CCDC25: variants seen among roughly 807,000 people sequenced by gnomAD.
CCDC25 encodes coiled-coil domain containing 25.
A neutral mutation model predicts 35.3 loss-of-function variants in CCDC25; 16 were observed. The ratio of observed to expected loss-of-function variants is 0.45; its 90% CI spans 0.31 to 0.69. The LOEUF (loss-of-function observed/expected upper bound fraction) is 0.69. CCDC25 is among the 30% of genes least tolerant of loss of function. The pLI is 0.06. For missense variants in CCDC25, 179 were observed against 250.7 expected, an observed-to-expected ratio of 0.71 and a Z score of 1.93; for synonymous variants, 79 against 80.3, an observed-to-expected ratio of 0.98 and a Z score of 0.09.
rs973356361 is a variant in CCDC25, at chr8:27,734,400, C to T, written c.*1816G>A. The T allele has an allele frequency of 6.6e-5, 10 of 152,182 alleles. No individual in the cohort carries two copies. The highest frequency in any genetic ancestry group is 2.4e-4 in the African/African-American group (10 of 41,460). 9.4% of individuals were successfully genotyped at this position (152,182 alleles called of 1,614,324 possible). A position where few individuals can be genotyped will look rare whatever the true frequency, so the allele number is the denominator to read the frequency against. On this transcript the variant is annotated 3_prime_UTR_variant, in exon 9 of 9. Coordinates refer to ENST00000356537, the MANE Select transcript of CCDC25 (RefSeq NM_018246.3). ...ATAAAAATAGCAACAATTTCGAATT[C>T]TCCTATCCAACGTTTAGGAAACAAT...
At chr8:27,747,824 G>A (rs1408351258) in intron 7 of CCDC25, 4 of 484,392 alleles carry the variant, frequency 8.3e-6, no homozygotes, top group Non-Finnish European at 1.5e-5. Flanking sequence ...ACCTATGAAG[G>A]TTTCTCTATG....
At chr8:27,756,885 T>C (rs1175446192) in intron 3 of CCDC25, 115 bp from the exon 4 acceptor site, 1 of 727,260 alleles carries the variant, frequency 1.4e-6, no homozygotes, top group Non-Finnish European at 2.5e-6. Flanking sequence ...CTGCCACATG[T>C]GAAGCATCAT....
chr8:27,752,437 C>A (rs1251892543), intron 5 of CCDC25, 75 bp downstream of exon 5: 2 of 1,129,920 alleles, frequency 1.8e-6, no homozygotes, highest in Non-Finnish European at 2.7e-6. Context: ...CAACAGCATG[C>A]TCACTAAAAT....
intron 1 of CCDC25, among the ~76,000 whole-genome samples, chr8:27,769,996 T>C (rs919622269): frequency 5.9e-5 from 9 of 152,126 alleles, no homozygotes; most frequent in East Asian, 1.9e-4. Context: ...ATACAAAAAT[T>C]AGCCACGCAT....
chr8:27,767,683 C>T (rs553760637), intron 1 of CCDC25, among the ~76,000 whole-genome samples: 144 of 152,244 alleles, frequency 9.5e-4, no homozygotes, highest in African/African-American at 3.2e-3. Flanking sequence ...CTAATGGGTA[C>T]GGAATAAAGC....
intron 5 of CCDC25, 134 bp downstream of exon 5, chr8:27,752,378 A>C: frequency 1.5e-6 from 1 of 661,314 alleles, no homozygotes. Context: ...TTAAAGAACA[A>C]AACATGGCAA....
rs557873979 is a variant in CCDC25 at position 27,739,701 on chromosome 8, G to A, written c.597+771C>T. On this transcript the variant is annotated intron_variant, in intron 8 of 8. Coordinates refer to ENST00000356537, the MANE Select transcript of CCDC25 (RefSeq NM_018246.3). ...AGCATCCTAGGATTTTGGTAGCTTC[G>A]GGGAGTCCTGGAACCAATCCCCCAT... is the stretch of plus-strand genomic sequence containing the variant. Among the ~76,000 whole-genome samples, 7 of 152,080 alleles carry A rather than the reference G, an allele frequency of 4.6e-5. No homozygotes were observed. In the South Asian group the frequency reaches 1.0e-3, roughly 23 times the overall value.
intron 3 of CCDC25, among the ~76,000 whole-genome samples, chr8:27,760,062 T>C (rs1230508676): frequency 1.3e-5 from 2 of 152,160 alleles, no homozygotes; most frequent in Non-Finnish European, 2.9e-5. Context: ...ACACCTCAAA[T>C]GTAGCTTCTG....
At chr8:27,766,743 C>T (rs1474355431) in intron 1 of CCDC25, among the ~76,000 whole-genome samples, 1 of 152,060 alleles carries the variant, frequency 6.6e-6, no homozygotes, top group Non-Finnish European at 1.5e-5. Context: ...AATCTTTTTA[C>T]AACCTAAACA....
chr8:27,753,836 A>G (rs1374261940), intron 4 of CCDC25, among the ~76,000 whole-genome samples: 1 of 152,234 alleles, frequency 6.6e-6, no homozygotes, highest in African/African-American at 2.4e-5. Flanking sequence ...TTCCTTCACC[A>G]TATAGTCCTC....
At chr8:27,751,105 T>G (rs1257478448) in intron 5 of CCDC25, among the ~76,000 whole-genome samples, 2 of 152,188 alleles carry the variant, frequency 1.3e-5, no homozygotes, top group African/African-American at 4.8e-5. Context: ...TTTGCTCCTC[T>G]TTGTTTTCTC....
At chr8:27,768,916 TTAGAC>T (rs78635759) in intron 1 of CCDC25, among the ~76,000 whole-genome samples, 64,694 of 151,632 alleles carry the variant, frequency 0.43, 13,993 homozygotes, top group East Asian at 0.62. Context: ...ACTGGACTTA[TTAGAC>T]TAATGTTCAA....
chr8:27,747,481 G>A (rs911046393), intron 7 of CCDC25, among the ~76,000 whole-genome samples: 1 of 152,172 alleles, frequency 6.6e-6, no homozygotes, highest in African/African-American at 2.4e-5. Flanking sequence ...GTTGTTTTAA[G>A]CTACTACATT....
chr8:27,751,197 A>G (rs1803791560), intron 5 of CCDC25, among the ~76,000 whole-genome samples: 1 of 152,250 alleles, frequency 6.6e-6, no homozygotes, highest in Non-Finnish European at 1.5e-5. Flanking sequence ...TAACAAAGAC[A>G]TGTCTGCTAG....
intron 7 of CCDC25, among the ~76,000 whole-genome samples, chr8:27,744,413 G>A (rs1803538591): frequency 1.3e-5 from 2 of 152,160 alleles, no homozygotes; most frequent in African/African-American, 4.8e-5. Context: ...CAGGTAACAC[G>A]AAGAGGCACA....
intron 1 of CCDC25, among the ~76,000 whole-genome samples, chr8:27,771,409 T>C (rs139019844): frequency 3.3e-5 from 5 of 152,336 alleles, no homozygotes; most frequent in East Asian, 1.9e-4. Context: ...TGTATACCTA[T>C]GATAAAGTTA....
chr8:27,743,679 A>G (rs896764089), intron 7 of CCDC25, among the ~76,000 whole-genome samples: 1 of 152,172 alleles, frequency 6.6e-6, no homozygotes, highest in Non-Finnish European at 1.5e-5. Context: ...GGATCACTTG[A>G]GCTCAGGGGT....
intron 7 of CCDC25, among the ~76,000 whole-genome samples, chr8:27,744,771 T>A (rs2128937810): frequency 1.3e-5 from 2 of 152,344 alleles, no homozygotes; most frequent in Non-Finnish European, 2.9e-5. Context: ...CACGATAGAC[T>A]ATTGGCTTCA....
At chr8:27,755,779 A>G (rs1474460526) in intron 4 of CCDC25, among the ~76,000 whole-genome samples, 1 of 152,230 alleles carries the variant, frequency 6.6e-6, no homozygotes, top group African/African-American at 2.4e-5. Flanking sequence ...ACGAGAAAAA[A>G]TATCAGATAA....
Sources: gnomAD v4.1 joint callset for allele counts (sites outside exome capture counted in the v4.1 genomes callset) on GRCh38, gnomAD v4.1.1 for gene constraint, MANE v1.5 for transcripts, NCBI Gene and HGNC (gene_info 2026-07-23, HGNC 2026-07-21) for gene names.